The following RFPL4A variants were observed in gnomAD, a reference collection of about 807,000 sequenced individuals.
RFPL4A encodes ret finger protein like 4A, also known as ret finger protein-like 4A.
Under a neutral mutation model 8.3 loss-of-function variants are expected in RFPL4A, and 4 were observed. That is an observed-to-expected ratio of 0.48 (90% confidence interval 0.24 to 1.10). The LOEUF is 1.10. Among genes scored for constraint, RFPL4A ranks in the 50% least tolerant of loss-of-function variants. The pLI is 0.18. For synonymous variants in RFPL4A, 43 were observed against 136.6 expected (o/e 0.31, Z 4.78); for missense variants, 111 against 358.7 (o/e 0.31, Z 5.58).
In RFPL4A at chr19:55,762,622, C is replaced by A; in HGVS notation, c.311C>A (p.Thr104Lys). The change falls in exon 3 of 3, where the codon ACA (threonine) becomes AAA (lysine). Residue 104 changes from threonine (T) to lysine (K), a missense_variant. By Grantham distance (78) the Thr-to-Lys change is moderately conservative. Transcript: ENST00000434937. Reference protein sequence around the residue: ...FQVDMTFDVDTANNYLIISED... With the variant: ...FQVDMTFDVDKANNYLIISED... ...GTGGATATGACGTTCGATGTGGACA[C>A]AGCCAACAACTATCTCATCATTTCT... is the stretch of plus-strand genomic sequence containing the variant. The A allele has an allele frequency of 6.4e-7, 1 of 1,551,720 alleles. No individual in the cohort carries two copies. The highest frequency in any genetic ancestry group is 8.7e-7 in the Non-Finnish European group (1 of 1,146,938).
In RFPL4A at chr19:55,760,433, T is replaced by C. The variant is rs552597818; in HGVS notation, c.-10+1258T>C. The stretch of plus-strand genomic sequence containing the variant: ...CAAAAGCACACTGTTAGGAGAGAAG[T>C]GTGGGCGTGATTCTGAAAGCTGGTG... On this transcript the variant is annotated intron_variant, in intron 1 of 2. Coordinates refer to ENST00000434937, the MANE Select transcript of RFPL4A (RefSeq NM_001145014.2). Among the ~76,000 whole-genome samples, 174 of 151,584 alleles carry C rather than the reference T, an allele frequency of 1.1e-3. 2 individuals are homozygous for C. The highest frequency in any genetic ancestry group is 1.8e-3 in the Non-Finnish European group (119 of 67,972).
rs187608898 is a variant in RFPL4A, at chr19:55,761,229, T to A, written c.-9-563T>A. ...GTTGGGGAAGTAGAAGGTCTTCAAATGGACTCCAGCACTGTCCAATAGAAA... is the reference window on the plus strand; with the variant it reads ...GTTGGGGAAGTAGAAGGTCTTCAAAAGGACTCCAGCACTGTCCAATAGAAA... On this transcript the variant is annotated intron_variant, in intron 1 of 2. Coordinates refer to ENST00000434937, the MANE Select transcript of RFPL4A (RefSeq NM_001145014.2). Among the ~76,000 whole-genome samples the A allele has an allele frequency of 9.9e-3, 1,385 of 140,008 alleles. 166 individuals are homozygous for A. The highest frequency in any genetic ancestry group is 0.034 in the African/African-American group (1,299 of 38,360). The allele number at this position is 140,008 out of a possible 152,430, so 91.9% of individuals were successfully genotyped here.
At chr19:55,758,975 A>G (rs536490066), upstream of RFPL4A, 8 of 150,038 alleles carry the variant, frequency 5.3e-5, no homozygotes, top group African/African-American at 2.0e-4. Context: ...CCTTTAAGGT[A>G]AAAACCTGTC....
chr19:55,761,707 C>A lies in RFPL4A; in HGVS notation c.-9-85C>A, dbSNP rs143775947. On this transcript the variant is annotated intron_variant, in intron 1 of 2. Coordinates refer to ENST00000434937, the MANE Select transcript of RFPL4A (RefSeq NM_001145014.2). ...AGTGTCGTGCTATGATAGCTCCATG[C>A]ATGTAAAGATAAAAGCCCCAAACAC... The A allele has an allele frequency of 2.2e-4, 323 of 1,463,330 alleles. 1 individual carries two copies. In the African/African-American group the frequency reaches 4.7e-3, roughly 21 times the overall value. 90.6% of individuals were successfully genotyped at this position (1,463,330 alleles called of 1,614,324 possible).
intron 2 of RFPL4A, among the ~76,000 whole-genome samples, chr19:55,762,327 G>C (rs71256873): frequency 6.7e-6 from 1 of 149,764 alleles, no homozygotes; most frequent in African/African-American, 2.5e-5. Flanking sequence ...TAAATGGAAA[G>C]CTAATTTTCA....
upstream of RFPL4A, among the ~76,000 whole-genome samples, chr19:55,757,585 G>A (rs1005724727): frequency 5.3e-5 from 8 of 151,908 alleles, no homozygotes; most frequent in Admixed American, 1.3e-4. Context: ...AGTGGGCAAG[G>A]AAACTTTACC....
At chr19:55,760,328 C>G (rs902182870) in intron 1 of RFPL4A, among the ~76,000 whole-genome samples, 2 of 151,502 alleles carry the variant, frequency 1.3e-5, no homozygotes, top group African/African-American at 4.9e-5. Context: ...AGCCAGTTTC[C>G]AGGTTCTGGA....
At position 55,762,200 on chromosome 19, in the gene RFPL4A, A is replaced by G. The variant is rs1600157360; in HGVS notation, c.286+114A>G. 1.7e-5 allele frequency: 11 copies of G among 643,844 alleles called. No homozygotes were observed. The East Asian group carries it at 2.2e-4, about 13-fold the overall frequency. The allele number at this position is 643,844 out of a possible 1,614,324, so 39.9% of individuals were successfully genotyped here. On this transcript the variant is annotated intron_variant, in intron 2 of 2. Transcript: ENST00000434937. The stretch of plus-strand genomic sequence containing the variant: ...AGGATATCTAGCATCTAAAACTTCC[A>G]TGCTTCACAAACAACAGCAGTTCTC...
chr19:55,758,901 A>C (rs1464718038), upstream of RFPL4A: 22 of 150,828 alleles, frequency 1.5e-4, no homozygotes, highest in African/African-American at 5.2e-4. Context: ...TTATCTAAAA[A>C]TTATTACATG....
chr19:55,762,040 G>A lies in RFPL4A; in HGVS notation c.240G>A (p.Lys80=), dbSNP rs1989296173. 6.7e-7 allele frequency: 1 copy of A among 1,495,222 alleles called. No homozygotes were observed. Among genetic ancestry groups the A allele is most frequent in the African/African-American group, 1.5e-5 (1 of 68,030 alleles). 92.6% of individuals were successfully genotyped at this position (1,495,222 alleles called of 1,614,324 possible). ...CCATCATCAAGGAACTAGAGCCCAA[G>A]CTGAAATCTGTTCTAACAATGAACC... ...LVSIIKELEP[K]LKSVLTMNPR... is the part of the protein sequence containing the mutation. Residue 80 remains lysine, a synonymous_variant, in exon 2 of 3, where the codon AAG becomes AAA. Transcript: ENST00000434937.
chr19:55,762,342 A>G lies in RFPL4A; in HGVS notation c.286+256A>G, dbSNP rs1243629192. Among the ~76,000 whole-genome samples the G allele has an allele frequency of 5.3e-5, 8 of 150,740 alleles. No individual in the cohort carries two copies. The South Asian group carries it at 1.2e-3, about 24-fold the overall frequency. ...TAAATGGAAAGCTAATTTTCATCAA[A>G]TTATCCACTAACTTATTTCGAAAGG... On this transcript the variant is annotated intron_variant, in intron 2 of 2. Coordinates refer to ENST00000434937, the MANE Select transcript of RFPL4A (RefSeq NM_001145014.2).
At chr19:55,762,162 C>A in intron 2 of RFPL4A, 76 bp downstream of exon 2, 1 of 1,486,698 alleles carries the variant, frequency 6.7e-7, no homozygotes, top group Non-Finnish European at 9.1e-7. Context: ...CTTCATTAAA[C>A]ATAGGCATTA....
At chr19:55,760,167 C>T (rs563092872) in intron 1 of RFPL4A, among the ~76,000 whole-genome samples, 1 of 151,804 alleles carries the variant, frequency 6.6e-6, no homozygotes, top group African/African-American at 2.4e-5. Context: ...CAACCGTGCA[C>T]AAGGGTTCCC....
At chr19:55,759,815 T>A (rs868632282) in intron 1 of RFPL4A, among the ~76,000 whole-genome samples, 6 of 151,572 alleles carry the variant, frequency 4.0e-5, no homozygotes, top group South Asian at 4.2e-4. Flanking sequence ...CAGTGTTTAC[T>A]TCCCTCAGCC....
upstream of RFPL4A, among the ~76,000 whole-genome samples, chr19:55,758,658 G>C (rs1247229722): frequency 1.3e-5 from 2 of 151,576 alleles, no homozygotes; most frequent in Non-Finnish European, 2.9e-5. Context: ...TAGAGAAAAT[G>C]ATTTTGAGAG....
At chr19:55,760,588 A>G (rs916417457) in intron 1 of RFPL4A, among the ~76,000 whole-genome samples, 1 of 151,568 alleles carries the variant, frequency 6.6e-6, no homozygotes, top group Admixed American at 6.6e-5. Context: ...TGTACTACAT[A>G]TGGGCATGCT....
At chr19:55,759,953 A>ATAG (rs1192022776) in intron 1 of RFPL4A, among the ~76,000 whole-genome samples, 2 of 151,692 alleles carry the variant, frequency 1.3e-5, no homozygotes, top group Non-Finnish European at 2.9e-5. Context: ...TGTTTCTCTC[A>ATAG]TAGACTCTGG....
chr19:55,761,388 G>T (rs1989279173), intron 1 of RFPL4A, among the ~76,000 whole-genome samples: 1 of 137,420 alleles, frequency 7.3e-6, no homozygotes, highest in Non-Finnish European at 1.6e-5. Flanking sequence ...ACGTTCTCAA[G>T]CAGATAGTTT....
chr19:55,761,359 A>C lies in RFPL4A; in HGVS notation c.-9-433A>C, dbSNP rs1292696069. On this transcript the variant is annotated intron_variant, in intron 1 of 2. Coordinates refer to ENST00000434937, the MANE Select transcript of RFPL4A (RefSeq NM_001145014.2). ...TTTAACTCAAAATATAATATCGTTT[A>C]ACATGTGAGCAACTTTAAACGTTCT... 4.4e-4 allele frequency among the ~76,000 whole-genome samples: 60 copies of C among 137,110 alleles called. 11 individuals carry two copies. The highest frequency in any genetic ancestry group is 1.6e-3 in the African/African-American group (60 of 36,606). 89.9% of individuals were successfully genotyped at this position (137,110 alleles called of 152,430 possible).
Sources: gnomAD v4.1 joint callset for allele counts (sites outside exome capture counted in the v4.1 genomes callset) on GRCh38, gnomAD v4.1.1 for gene constraint, MANE v1.5 for transcripts, NCBI Gene and HGNC (gene_info 2026-07-23, HGNC 2026-07-21) for gene names.